Variants in PCDHGA5 observed in about 807,000 individuals in gnomAD.
PCDHGA5 encodes the protein protocadherin gamma subfamily A, 5.
In PCDHGA5, 36 loss-of-function variants were observed where a neutral mutation model predicts 56.7. That is an observed-to-expected ratio of 0.64 (90% confidence interval 0.49 to 0.84). The LOEUF (loss-of-function observed/expected upper bound fraction) is 0.84. PCDHGA5 is among the 40% of genes least tolerant of loss of function. The pLI is 0.00. For synonymous variants in PCDHGA5, 563 were observed against 520.2 expected, an observed-to-expected ratio of 1.08 and a Z score of -1.12; for missense variants, 1,305 against 1,201.5, an observed-to-expected ratio of 1.09 and a Z score of -1.27.
At position 141,364,815 on chromosome 5, in the gene PCDHGA5, TG is replaced by T. The variant is rs777714340; in HGVS notation, c.488del (p.Gly163ValfsTer2). The T allele has an allele frequency of 4.0e-5, 64 of 1,613,880 alleles. No individual in the cohort carries two copies. The highest frequency in any genetic ancestry group is 2.5e-6 in the Non-Finnish European group (3 of 1,179,898). On this transcript the variant is annotated frameshift_variant, in exon 1 of 4. Transcript: ENST00000518069. LOFTEE classifies it high-confidence loss of function. ...LVLPFARDAD[V>X]GVNSLRSYQL... ...CTTCCCTTCGCGCGGGATGCGGATG[TG>T]GGTGTGAACTCTCTCCGGAGTTACC...
chr5:141,395,245 T>G (rs1347101527), intron 1 of PCDHGA5: 1 of 1,571,252 alleles, frequency 6.4e-7, no homozygotes, highest in Admixed American at 1.9e-5. Context: ...CAGGTGAGTT[T>G]AGTTCTTTGC....
chr5:141,374,385 G>A (rs1588739577), intron 1 of PCDHGA5: 3 of 1,614,026 alleles, frequency 1.9e-6, no homozygotes, highest in African/African-American at 1.3e-5. Flanking sequence ...CAGAGCCCGC[G>A]GTGTCTGGTG....
intron 1 of PCDHGA5, among the ~76,000 whole-genome samples, chr5:141,465,205 G>A (rs1460694369): frequency 6.6e-6 from 1 of 151,892 alleles, no homozygotes; most frequent in Admixed American, 6.6e-5. Flanking sequence ...AAAAATATAA[G>A]CTTTATTTTT....
rs1327610213 is a variant in PCDHGA5 at position 141,423,493 on chromosome 5, C to T, written c.2421+56742C>T. 5 of 1,613,984 alleles carry T rather than the reference C, an allele frequency of 3.1e-6. No homozygotes were observed. In the South Asian group the frequency reaches 5.5e-5, roughly 18 times the overall value. On this transcript the variant is annotated intron_variant, in intron 1 of 3. Coordinates refer to ENST00000518069, the MANE Select transcript of PCDHGA5 (RefSeq NM_018918.3). The stretch of plus-strand genomic sequence containing the variant: ...ACAGGCTTTCCTGCAAACCTATTCC[C>T]ACGAGGTCTCTCTCATTGCGGACTC...
intron 1 of PCDHGA5, chr5:141,424,098 C>T: frequency 8.3e-6 from 7 of 846,340 alleles, no homozygotes; most frequent in Non-Finnish European, 1.0e-5. Flanking sequence ...TTTGCTATTA[C>T]TGCTAATGTT....
chr5:141,371,335 G>A (rs374653658), intron 1 of PCDHGA5: 21 of 1,613,940 alleles, frequency 1.3e-5, no homozygotes, highest in Non-Finnish European at 1.8e-5. Context: ...GAGAGAGATA[G>A]CTACACAATT....
chr5:141,501,323 A>G (rs2099807887), intron 2 of PCDHGA5, among the ~76,000 whole-genome samples: 1 of 151,850 alleles, frequency 6.6e-6, no homozygotes, highest in East Asian at 1.9e-4. Flanking sequence ...ACACACACAC[A>G]CACACACACA....
At chr5:141,403,786 A>G (rs1317253233) in intron 1 of PCDHGA5, 1 of 1,613,848 alleles carries the variant, frequency 6.2e-7, no homozygotes, top group African/African-American at 1.3e-5. Flanking sequence ...GAAAAGTGGC[A>G]TACAAATTCT....
intron 1 of PCDHGA5, among the ~76,000 whole-genome samples, chr5:141,456,483 CTTAATA>C (rs2098861684): frequency 1.3e-5 from 2 of 152,072 alleles, no homozygotes; most frequent in African/African-American, 4.8e-5. Context: ...CAAGAGAGTG[CTTAATA>C]AAGGGGTTAA....
intron 2 of PCDHGA5, among the ~76,000 whole-genome samples, chr5:141,502,845 T>G (rs2099816267): frequency 6.8e-6 from 1 of 147,606 alleles, no homozygotes; most frequent in South Asian, 2.1e-4. Context: ...CTGGCTGAGC[T>G]GCCTAACCCT....
At chr5:141,433,285 C>G in intron 1 of PCDHGA5, 1 of 1,169,826 alleles carries the variant, frequency 8.5e-7, no homozygotes, top group Non-Finnish European at 1.2e-6. Flanking sequence ...CCTCAAACTC[C>G]TAGGCTCAAG....
At chr5:141,403,546 C>A (rs62378450) in intron 1 of PCDHGA5, 1 of 1,613,984 alleles carries the variant, frequency 6.2e-7, no homozygotes, top group South Asian at 1.1e-5. Flanking sequence ...TGCTGGAGCG[C>A]GCCCTGGACA....
chr5:141,383,276 T>G lies in PCDHGA5; in HGVS notation c.2421+16525T>G, dbSNP rs550293015. The G allele has an allele frequency of 3.8e-5, 61 of 1,613,822 alleles. No homozygotes were observed. The highest frequency in any genetic ancestry group is 5.1e-5 in the Non-Finnish European group (60 of 1,179,878). Reference sequence around the variant, plus strand: ...CCTATAGACGTGGAAATAATAGATATTAATGACAACGTTCCAAGATTCTTG... The same window carrying G: ...CCTATAGACGTGGAAATAATAGATAGTAATGACAACGTTCCAAGATTCTTG... On this transcript the variant is annotated intron_variant, in intron 1 of 3. Transcript: ENST00000518069.
At position 141,364,937 on chromosome 5, in the gene PCDHGA5, GAGAA is replaced by G. The variant is rs746946812; in HGVS notation, c.611_614del (p.Lys204ArgfsTer11). ...GGTGTTGGAACAGCCCCTAGACCGC[GAGAA>G]AGAGACTGTTCACGACCTCCTCCTC... On this transcript the variant is annotated frameshift_variant, in exon 1 of 4. Coordinates refer to ENST00000518069, the MANE Select transcript of PCDHGA5 (RefSeq NM_018918.3). LOFTEE classifies it high-confidence loss of function. 1 of 1,613,948 alleles carries G rather than the reference GAGAA, an allele frequency of 6.2e-7. No individual in the cohort carries two copies.
intron 2 of PCDHGA5, among the ~76,000 whole-genome samples, chr5:141,499,112 A>G (rs550424495): frequency 6.6e-6 from 1 of 152,238 alleles, no homozygotes; most frequent in African/African-American, 2.4e-5. Context: ...CCCCACCACT[A>G]TCCCTTCTCA....
chr5:141,509,067 C>T (rs987332283), intron 3 of PCDHGA5, among the ~76,000 whole-genome samples: 1 of 152,132 alleles, frequency 6.6e-6, no homozygotes, highest in African/African-American at 2.4e-5. Flanking sequence ...CTCTCAGCTC[C>T]GGGGATTTGC....
At chr5:141,422,100 A>G (rs1019775470) in intron 1 of PCDHGA5, 2 of 1,609,786 alleles carry the variant, frequency 1.2e-6, no homozygotes, top group Non-Finnish European at 1.7e-6. Context: ...AGGCTTCTGA[A>G]ATATTCCAAT....
In PCDHGA5 at chr5:141,380,519, G is replaced by C. The variant is rs564373516; in HGVS notation, c.2421+13768G>C. 2.0e-5 allele frequency among the ~76,000 whole-genome samples: 3 copies of C among 152,234 alleles called. No homozygotes were observed. In the East Asian group the frequency reaches 5.8e-4, roughly 29 times the overall value. ...CAATAATATACACTCTTTAAACTATGAAATGATTTCAATTTGATACAATGA... is the reference window on the plus strand; with the variant it reads ...CAATAATATACACTCTTTAAACTATCAAATGATTTCAATTTGATACAATGA... On this transcript the variant is annotated intron_variant, in intron 1 of 3. Transcript: ENST00000518069.
At chr5:141,467,280 T>G (rs1021597111) in intron 1 of PCDHGA5, among the ~76,000 whole-genome samples, 58 of 152,272 alleles carry the variant, frequency 3.8e-4, no homozygotes, top group Admixed American at 2.6e-4. Flanking sequence ...CTCGAACTCT[T>G]GACCTCAAGT....
Sources: gnomAD v4.1 joint callset for allele counts (sites outside exome capture counted in the v4.1 genomes callset) on GRCh38, gnomAD v4.1.1 for gene constraint, MANE v1.5 for transcripts, NCBI Gene and HGNC (gene_info 2026-07-23, HGNC 2026-07-21) for gene names.